The following RXFP1 variants were observed in gnomAD, a reference collection of about 807,000 sequenced individuals.
The protein encoded by RXFP1 is relaxin receptor 1.
In RXFP1, 73 loss-of-function variants were observed where a neutral mutation model predicts 89.8. The ratio of observed to expected loss-of-function variants is 0.81; its 90% CI spans 0.67 to 0.99. The LOEUF is 0.99. Among genes scored for constraint, RXFP1 ranks in the 50% least tolerant of loss-of-function variants. RXFP1 has a pLI of 0.00. For missense variants in RXFP1, 793 were observed against 895.5 expected, an observed-to-expected ratio of 0.89 and a Z score of 1.46; for synonymous variants, 277 against 305.5, an observed-to-expected ratio of 0.91 and a Z score of 0.97.
At chr4:158,531,504 C>A (rs757997428) in intron 1 of RXFP1, among the ~76,000 whole-genome samples, 10 of 152,184 alleles carry the variant, frequency 6.6e-5, no homozygotes, top group Non-Finnish European at 1.0e-4. Flanking sequence ...CTAATTTTTT[C>A]AGGAGAATCC....
chr4:158,568,236 C>T (rs764496750), intron 1 of RXFP1, among the ~76,000 whole-genome samples: 11 of 152,202 alleles, frequency 7.2e-5, no homozygotes, highest in Non-Finnish European at 1.3e-4. Context: ...CGAGGGTCTG[C>T]GGCTTCATTG....
At chr4:158,531,815 A>G (rs1432319574) in intron 1 of RXFP1, among the ~76,000 whole-genome samples, 3 of 152,230 alleles carry the variant, frequency 2.0e-5, no homozygotes, top group African/African-American at 7.2e-5. Flanking sequence ...TGACTCCTAC[A>G]TAAAATAATA....
At chr4:158,594,390 G>A (rs1473862031) in intron 3 of RXFP1, among the ~76,000 whole-genome samples, 6 of 152,128 alleles carry the variant, frequency 3.9e-5, no homozygotes, top group Non-Finnish European at 1.5e-5. Context: ...TTTCTGGGGT[G>A]GCACTATCAT....
chr4:158,586,004 G>T (rs953713467), intron 2 of RXFP1, among the ~76,000 whole-genome samples: 4 of 152,216 alleles, frequency 2.6e-5, no homozygotes, highest in African/African-American at 9.6e-5. Context: ...AAGGACCCTA[G>T]TTGACTATGG....
chr4:158,537,078 A>C (rs1200627776), intron 1 of RXFP1, among the ~76,000 whole-genome samples: 2 of 152,024 alleles, frequency 1.3e-5, no homozygotes, highest in African/African-American at 4.8e-5. Flanking sequence ...ACCTAAAAGA[A>C]ACCTAGCTAA....
intron 1 of RXFP1, among the ~76,000 whole-genome samples, chr4:158,527,417 T>C (rs2124272): frequency 0.88 from 133,503 of 151,028 alleles, 61,317 homozygotes; most frequent in East Asian, 1. Flanking sequence ...GTGGTGGGCG[T>C]CTGTAATCCC....
At chr4:158,625,307 T>C (rs10857315) in intron 9 of RXFP1, among the ~76,000 whole-genome samples, 33,662 of 152,030 alleles carry the variant, frequency 0.22, 5,514 homozygotes, top group African/African-American at 0.46. Context: ...CAATATCCCA[T>C]GTAGTACAAA....
Position 158,547,797 on chromosome 4 carries a change from G to T in RXFP1, c.50-24901G>T, listed in dbSNP as rs7694443. Among the ~76,000 whole-genome samples, 1,039 of 152,114 alleles carry T rather than the reference G, an allele frequency of 6.8e-3. 10 individuals are homozygous for T. Among genetic ancestry groups the T allele is most frequent in the African/African-American group, 0.024 (996 of 41,424 alleles). On this transcript the variant is annotated intron_variant, in intron 1 of 17. Coordinates refer to ENST00000307765, the MANE Select transcript of RXFP1 (RefSeq NM_021634.4). Reference sequence around the variant, plus strand: ...CTTAGTCCTGAGTTCTAGTTTGATCGCACTGTGGTCTGAGAGACAGTTTGT... The same window carrying T: ...CTTAGTCCTGAGTTCTAGTTTGATCTCACTGTGGTCTGAGAGACAGTTTGT...
chr4:158,585,787 A>G (rs1352575431), intron 2 of RXFP1, among the ~76,000 whole-genome samples: 1 of 152,238 alleles, frequency 6.6e-6, no homozygotes, highest in Non-Finnish European at 1.5e-5. Flanking sequence ...TACATCAATA[A>G]GCATAGCATG....
rs371883290 is a variant in RXFP1, at chr4:158,572,682, C to A, written c.50-16C>A. ...TAACCACCTTCAAACTTTGTGTCTT[C>A]TCCCCTTTTCCTCAGTTTCTCATGG... On this transcript the variant is annotated splice_polypyrimidine_tract_variant and intron_variant, in intron 1 of 17. Transcript: ENST00000307765. 45 of 1,613,502 alleles carry A rather than the reference C, an allele frequency of 2.8e-5. No individual in the cohort carries two copies. The highest frequency in any genetic ancestry group is 3.5e-5 in the Non-Finnish European group (41 of 1,179,564).
intron 15 of RXFP1, chr4:158,646,426 C>A: frequency 1.7e-6 from 2 of 1,158,008 alleles, no homozygotes; most frequent in Non-Finnish European, 2.3e-6. Flanking sequence ...CCAAGTAATG[C>A]CATCCTCATC....
intron 1 of RXFP1, among the ~76,000 whole-genome samples, chr4:158,538,945 G>T (rs923433681): frequency 1.3e-5 from 2 of 152,156 alleles, no homozygotes; most frequent in Admixed American, 1.3e-4. Flanking sequence ...GTTCTAATGA[G>T]ATGAGTACAG....
chr4:158,631,541 A>G (rs1768031865), intron 11 of RXFP1, among the ~76,000 whole-genome samples: 1 of 152,216 alleles, frequency 6.6e-6, no homozygotes. Flanking sequence ...TATATGTGCT[A>G]TACTAGAAGT....
At chr4:158,550,833 A>C (rs924523870) in intron 1 of RXFP1, among the ~76,000 whole-genome samples, 6 of 152,302 alleles carry the variant, frequency 3.9e-5, no homozygotes, top group Middle Eastern at 6.8e-3. Flanking sequence ...TATCCAAGCA[A>C]TTTATTCCTC....
In RXFP1 at chr4:158,646,985, A is replaced by G. The variant is rs1295126956; in HGVS notation, c.1540A>G (p.Ile514Val). ...TFLTLEKYIC[I>V]VYPFRCVRPG... ...TCTGACATTGGAAAAATACATCTGC[A>G]TTGTCTATCCTTTTAGATGTGTGAG... The change falls in exon 16 of 18, where the codon ATT (isoleucine) becomes GTT (valine). Residue 514 changes from isoleucine to valine, a missense_variant. Ile to Val is a conservative substitution (Grantham distance 29, BLOSUM62 3). Coordinates refer to ENST00000307765, the MANE Select transcript of RXFP1 (RefSeq NM_021634.4). 5 of 1,614,060 alleles carry G rather than the reference A, an allele frequency of 3.1e-6. No homozygotes were observed. Among genetic ancestry groups the G allele is most frequent in the Admixed American group, 1.7e-5 (1 of 60,006 alleles).
intron 12 of RXFP1, among the ~76,000 whole-genome samples, chr4:158,635,213 G>A (rs910722476): frequency 5.3e-5 from 8 of 151,978 alleles, no homozygotes; most frequent in South Asian, 2.1e-4. Flanking sequence ...GCAATGTTTC[G>A]CAGTTGCCAG....
At chr4:158,535,209 G>T (rs7695656) in intron 1 of RXFP1, among the ~76,000 whole-genome samples, 3 of 151,802 alleles carry the variant, frequency 2.0e-5, no homozygotes, top group African/African-American at 7.3e-5. Context: ...ATGATGAGAA[G>T]TCTGGGGTAG....
At chr4:158,592,799 A>G (rs1579896359) in intron 2 of RXFP1, among the ~76,000 whole-genome samples, 1 of 152,150 alleles carries the variant, frequency 6.6e-6, no homozygotes, top group East Asian at 1.9e-4. Context: ...CTTGTTAAAA[A>G]CAGAGAATAG....
At chr4:158,568,066 G>A (rs772646385) in intron 1 of RXFP1, among the ~76,000 whole-genome samples, 6 of 152,044 alleles carry the variant, frequency 3.9e-5, no homozygotes, top group East Asian at 1.9e-4. Flanking sequence ...GAACAACTCC[G>A]AACACACTGC....
Sources: allele counts gnomAD v4.1 joint callset (sites outside exome capture counted in the v4.1 genomes callset), GRCh38; gene constraint gnomAD v4.1.1; transcripts MANE v1.5; gene names NCBI Gene and HGNC (gene_info 2026-07-23, HGNC 2026-07-21).